The following BLTP3B variants were observed in gnomAD, a reference collection of about 807,000 sequenced individuals.
BLTP3B encodes UHRF1 (ICBP90) binding protein 1-like.
At chr12:100,044,671 A>G in the BLTP3B span, among the ~76,000 whole-genome samples, 2 of 152,084 alleles carry the variant, frequency 1.3e-5, no homozygotes, top group African/African-American at 4.8e-5. Context: ...CTCACATCAG[A>G]TTATAAAAAA....
the BLTP3B span, among the ~76,000 whole-genome samples, chr12:100,124,062 C>G: frequency 2.6e-5 from 4 of 151,688 alleles, no homozygotes; most frequent in Non-Finnish European, 5.9e-5. Context: ...GCTAGGAGTT[C>G]AAGATCAGCC....
chr12:100,128,011 C>T, the BLTP3B span, among the ~76,000 whole-genome samples: 1 of 151,718 alleles, frequency 6.6e-6, no homozygotes, highest in African/African-American at 2.4e-5. Flanking sequence ...ACACCTTTTC[C>T]CCCCACCACC....
the BLTP3B span, among the ~76,000 whole-genome samples, chr12:100,065,094 G>A: frequency 2.6e-5 from 4 of 152,070 alleles, no homozygotes; most frequent in Non-Finnish European, 5.9e-5. Context: ...CACAGCAGAG[G>A]AGTATAAATT....
chr12:100,136,328 T>A, the BLTP3B span, among the ~76,000 whole-genome samples: 1 of 150,814 alleles, frequency 6.6e-6, no homozygotes, highest in Non-Finnish European at 1.5e-5. Flanking sequence ...GCAATAAAAT[T>A]TTTTTTATTT....
At chr12:100,081,358 G>A in the BLTP3B span, among the ~76,000 whole-genome samples, 2 of 152,070 alleles carry the variant, frequency 1.3e-5, no homozygotes, top group East Asian at 1.9e-4. Flanking sequence ...TGAACCAGAG[G>A]GTAGTTTTTG....
At chr12:100,097,681 C>G in the BLTP3B span, among the ~76,000 whole-genome samples, 1 of 152,104 alleles carries the variant, frequency 6.6e-6, no homozygotes, top group Admixed American at 6.6e-5. Context: ...TTCAATTACA[C>G]CTCTTCATAT....
At chr12:100,097,346 T>C in the BLTP3B span, 1 of 1,600,138 alleles carries the variant, frequency 6.2e-7, no homozygotes, top group African/African-American at 1.3e-5. Flanking sequence ...GAATCAAAAA[T>C]GTAATCTTGT....
the BLTP3B span, among the ~76,000 whole-genome samples, chr12:100,134,786 G>A: frequency 2.0e-5 from 3 of 152,030 alleles, no homozygotes; most frequent in Non-Finnish European, 4.4e-5. Context: ...ACTCTGGATG[G>A]TCACCCATTA....
chr12:100,090,718 A>G, the BLTP3B span, among the ~76,000 whole-genome samples: 1 of 152,176 alleles, frequency 6.6e-6, no homozygotes, highest in African/African-American at 2.4e-5. Flanking sequence ...GTTAAATACT[A>G]TAGACTCCAG....
the BLTP3B span, among the ~76,000 whole-genome samples, chr12:100,101,756 C>A: frequency 6.6e-6 from 1 of 152,172 alleles, no homozygotes; most frequent in African/African-American, 2.4e-5. Flanking sequence ...ACATTTTAAA[C>A]TTAATGAATT....
chr12:100,075,720 A>G, the BLTP3B span, among the ~76,000 whole-genome samples: 1 of 152,260 alleles, frequency 6.6e-6, no homozygotes, highest in African/African-American at 2.4e-5. Context: ...GCAGCCAACA[A>G]GCATATGAAA....
chr12:100,139,910 CTG>C, the BLTP3B span, among the ~76,000 whole-genome samples: 1 of 152,198 alleles, frequency 6.6e-6, no homozygotes, highest in Non-Finnish European at 1.5e-5. Context: ...ATTTTAAACT[CTG>C]TGGTCAGGAA....
chr12:100,071,061 G>A, the BLTP3B span, among the ~76,000 whole-genome samples: 1 of 152,072 alleles, frequency 6.6e-6, no homozygotes. Context: ...AAGTATTTTG[G>A]AGTTCTACTT....
chr12:100,055,738 TG>T, the BLTP3B span, among the ~76,000 whole-genome samples: 1 of 150,558 alleles, frequency 6.6e-6, no homozygotes, highest in African/African-American at 2.4e-5. Flanking sequence ...TACAATAATG[TG>T]ACTATGGGAA....
chr12:100,081,105 C>T, the BLTP3B span, among the ~76,000 whole-genome samples: 1 of 152,258 alleles, frequency 6.6e-6, no homozygotes, highest in South Asian at 2.1e-4. Context: ...TGCCTTCCGC[C>T]ATGATTGTGA....
the BLTP3B span, among the ~76,000 whole-genome samples, chr12:100,131,325 T>A: frequency 1.3e-5 from 2 of 150,306 alleles, no homozygotes; most frequent in Non-Finnish European, 1.5e-5. Flanking sequence ...AAAAAAAAAA[T>A]TAATTAATTT....
chr12:100,051,856 G>A, the BLTP3B span: 1 of 152,298 alleles, frequency 6.6e-6, no homozygotes, highest in African/African-American at 2.4e-5. Context: ...GACCAGCCTG[G>A]GCAACACAGC....
the BLTP3B span, among the ~76,000 whole-genome samples, chr12:100,060,336 T>C: frequency 0.04 from 6,154 of 152,232 alleles, 257 homozygotes; most frequent in African/African-American, 0.11. Flanking sequence ...TAAAACTAAC[T>C]GCATAAAACA....
At chr12:100,068,024 A>G in the BLTP3B span, among the ~76,000 whole-genome samples, 1 of 152,210 alleles carries the variant, frequency 6.6e-6, no homozygotes, top group African/African-American at 2.4e-5. Flanking sequence ...GAACCAAAAA[A>G]GAGTCTGCAT....
Sources: allele counts gnomAD v4.1 joint callset (sites outside exome capture counted in the v4.1 genomes callset), GRCh38; gene constraint gnomAD v4.1.1; transcripts MANE v1.5; gene names NCBI Gene and HGNC (gene_info 2026-07-23, HGNC 2026-07-21).